Variants in AGTR1 observed in about 807,000 individuals in gnomAD.
AGTR1 encodes the protein angiotensin II receptor type 1.
A neutral mutation model predicts 19.4 loss-of-function variants in AGTR1; 16 were observed. That is an observed-to-expected ratio of 0.82 (90% confidence interval 0.56 to 1.25). The LOEUF (loss-of-function observed/expected upper bound fraction) is 1.25, where lower values mean the gene tolerates loss of function less well. Among genes scored for constraint, AGTR1 ranks in the 50% most tolerant of loss-of-function variants. The pLI is 0.00. For missense variants in AGTR1, 373 were observed against 431.9 expected, an observed-to-expected ratio of 0.86 and a Z score of 1.21; for synonymous variants, 153 against 154.9, an observed-to-expected ratio of 0.99 and a Z score of 0.09.
rs563154340 is a variant in AGTR1 at position 148,699,898 on chromosome 3, C to T, written c.-132+1771C>T. Among the ~76,000 whole-genome samples the T allele has an allele frequency of 2.0e-5, 3 of 152,260 alleles. No individual in the cohort carries two copies. The East Asian group carries it at 5.8e-4, about 29-fold the overall frequency. The stretch of plus-strand genomic sequence containing the variant: ...CTTCTTTGACCTTAAACTGAATCAA[C>T]TCTTCCATCATCCAACTCAGAATAA... On this transcript the variant is annotated intron_variant, in intron 1 of 2. Coordinates refer to ENST00000349243, the MANE Select transcript of AGTR1 (RefSeq NM_000685.5).
chr3:148,737,511 A>C (rs1195022219), intron 2 of AGTR1, among the ~76,000 whole-genome samples: 1 of 152,188 alleles, frequency 6.6e-6, no homozygotes, highest in South Asian at 2.1e-4. Context: ...ACTGCCTTTA[A>C]GGCTCCTGTC....
rs1365652593 is a variant in AGTR1, at chr3:148,741,377, T to G, written c.342T>G (p.Ala114=). The G allele has an allele frequency of 2.4e-5, 39 of 1,604,104 alleles. No individual in the cohort carries two copies. The highest frequency in any genetic ancestry group is 2.9e-5 in the Non-Finnish European group (34 of 1,178,742). Residue 114 remains alanine, a synonymous_variant, in exon 3 of 3, where the codon GCT becomes GCG. Transcript: ENST00000349243. ...ASASVSFNLY[A]SVFLLTCLSI... ...CCAGCGTCAGTTTCAACCTGTACGC[T>G]AGTGTGTTTCTACTCACGTGTCTCA...
intron 1 of AGTR1, among the ~76,000 whole-genome samples, chr3:148,705,101 A>G (rs1712592575): frequency 6.6e-6 from 1 of 152,160 alleles, no homozygotes; most frequent in Non-Finnish European, 1.5e-5. Context: ...ATCACCCTCT[A>G]TAGCCCCTAA....
At chr3:148,728,335 T>C (rs1249662024) in intron 2 of AGTR1, among the ~76,000 whole-genome samples, 1 of 152,210 alleles carries the variant, frequency 6.6e-6, no homozygotes, top group African/African-American at 2.4e-5. Flanking sequence ...AAGTGATCAG[T>C]GTTACTATTG....
chr3:148,724,606 T>G lies in AGTR1; in HGVS notation c.-47-16383T>G, dbSNP rs74922027. 4.4e-3 allele frequency among the ~76,000 whole-genome samples: 677 copies of G among 152,328 alleles called. 3 individuals carry two copies. Among genetic ancestry groups the G allele is most frequent in the African/African-American group, 0.016 (647 of 41,568 alleles). ...AAATCAATAAATTTGACCCATGAATTTCTTTCTATAGCAGACATTTTTGTG... is the reference window on the plus strand; with the variant it reads ...AAATCAATAAATTTGACCCATGAATGTCTTTCTATAGCAGACATTTTTGTG... On this transcript the variant is annotated intron_variant, in intron 2 of 2. Coordinates refer to ENST00000349243, the MANE Select transcript of AGTR1 (RefSeq NM_000685.5).
At chr3:148,734,121 G>A (rs974386654) in intron 2 of AGTR1, among the ~76,000 whole-genome samples, 8 of 152,128 alleles carry the variant, frequency 5.3e-5, no homozygotes, top group African/African-American at 9.7e-5. Flanking sequence ...TAGTAAGTGG[G>A]AACTTTTAGA....
chr3:148,708,793 T>C (rs1004809967), intron 2 of AGTR1, among the ~76,000 whole-genome samples: 2 of 152,120 alleles, frequency 1.3e-5, no homozygotes, highest in Non-Finnish European at 2.9e-5. Flanking sequence ...TTACAAAAAC[T>C]CAGTTCAAAG....
intron 1 of AGTR1, among the ~76,000 whole-genome samples, chr3:148,701,673 ATTTT>A (rs1403187642): frequency 6.6e-6 from 1 of 152,142 alleles, no homozygotes; most frequent in African/African-American, 2.4e-5. Flanking sequence ...CTCACATGTA[ATTTT>A]TTTAACATTT....
At position 148,742,414 on chromosome 3, in the gene AGTR1, C is replaced by A; in HGVS notation, c.*299C>A. On this transcript the variant is annotated 3_prime_UTR_variant, in exon 3 of 3. Transcript: ENST00000349243. ...TTTTACTGACAGAAATGCAATCTCC[C>A]TAGCCTGCTTTTGTCCTGTTATTTT... 2.1e-6 allele frequency: 1 copy of A among 479,398 alleles called. No individual in the cohort carries two copies. 29.7% of individuals were successfully genotyped at this position (479,398 alleles called of 1,614,324 possible). A position where few individuals can be genotyped will look rare whatever the true frequency, so the allele number is the denominator to read the frequency against.
chr3:148,730,275 T>TA (rs1714175997), intron 2 of AGTR1: 4 of 398,166 alleles, frequency 1.0e-5, no homozygotes, highest in Non-Finnish European at 1.3e-5. Flanking sequence ...TTGGCTCCCA[T>TA]CACTATGCTC....
rs144520513 is a variant in AGTR1, at chr3:148,742,477, G to A, written c.*362G>A. 3.5e-4 allele frequency: 131 copies of A among 371,868 alleles called. 1 individual carries two copies. Among genetic ancestry groups the A allele is most frequent in the African/African-American group, 1.8e-3 (84 of 46,920 alleles). 23.0% of individuals were successfully genotyped at this position (371,868 alleles called of 1,614,324 possible). On this transcript the variant is annotated 3_prime_UTR_variant, in exon 3 of 3. Transcript: ENST00000349243. ...AAAGGTATTTAGAATATATTAAATCGTTAGAGGAGCAACAGGAGATGAGAG... is the reference window on the plus strand; with the variant it reads ...AAAGGTATTTAGAATATATTAAATCATTAGAGGAGCAACAGGAGATGAGAG...
At chr3:148,732,833 C>G (rs529620201) in intron 2 of AGTR1, among the ~76,000 whole-genome samples, 1 of 147,220 alleles carries the variant, frequency 6.8e-6, no homozygotes, top group African/African-American at 2.5e-5. Flanking sequence ...CTCTGCCTCC[C>G]GGGTTCACGC....
chr3:148,711,068 C>T (rs1712953984), intron 2 of AGTR1, among the ~76,000 whole-genome samples: 2 of 152,168 alleles, frequency 1.3e-5, no homozygotes, highest in African/African-American at 4.8e-5. Flanking sequence ...TTATAAATTA[C>T]CCAGTTTCAG....
intron 2 of AGTR1, among the ~76,000 whole-genome samples, chr3:148,735,231 C>A (rs12695911): frequency 6.6e-6 from 1 of 152,144 alleles, no homozygotes; most frequent in Non-Finnish European, 1.5e-5. Flanking sequence ...GACAGAGTTT[C>A]AGAGTGGTAT....
At position 148,722,550 on chromosome 3, in the gene AGTR1, C is replaced by T. The variant is rs569734938; in HGVS notation, c.-48+14523C>T. 3.0e-4 allele frequency among the ~76,000 whole-genome samples: 46 copies of T among 152,168 alleles called. 1 individual carries two copies. The highest frequency in any genetic ancestry group is 5.3e-4 in the Non-Finnish European group (36 of 68,006). ...AAAAGTCCTTCATTCTAAGAAGAGG[C>T]GGGAGGGTGCCACTCTGTAGCCCCT... is the stretch of plus-strand genomic sequence containing the variant. On this transcript the variant is annotated intron_variant, in intron 2 of 2. Coordinates refer to ENST00000349243, the MANE Select transcript of AGTR1 (RefSeq NM_000685.5).
chr3:148,704,350 A>G (rs1712542255), intron 1 of AGTR1, among the ~76,000 whole-genome samples: 1 of 147,148 alleles, frequency 6.8e-6, no homozygotes, highest in Non-Finnish European at 1.5e-5. Context: ...TGAGCAACAG[A>G]GAAAGACCCT....
intron 1 of AGTR1, among the ~76,000 whole-genome samples, chr3:148,704,782 T>A (rs1712573793): frequency 6.6e-6 from 1 of 152,192 alleles, no homozygotes; most frequent in Non-Finnish European, 1.5e-5. Flanking sequence ...GACAGGTGTG[T>A]ATGGGTTCCC....
In AGTR1 at chr3:148,705,065, T is replaced by C. The variant is rs555772498; in HGVS notation, c.-131-2879T>C. Among the ~76,000 whole-genome samples the C allele has an allele frequency of 3.9e-5, 6 of 152,314 alleles. No homozygotes were observed. The South Asian group carries it at 1.2e-3, about 32-fold the overall frequency. Reference sequence around the variant, plus strand: ...ACACATAGCAGGCAGAGTTTCTTAGTACTAATAAAAAATAAAGTACCAGTG... The same window carrying C: ...ACACATAGCAGGCAGAGTTTCTTAGCACTAATAAAAAATAAAGTACCAGTG... On this transcript the variant is annotated intron_variant, in intron 1 of 2. Coordinates refer to ENST00000349243, the MANE Select transcript of AGTR1 (RefSeq NM_000685.5).
At chr3:148,727,884 G>A (rs1266157148) in intron 2 of AGTR1, among the ~76,000 whole-genome samples, 1 of 152,092 alleles carries the variant, frequency 6.6e-6, no homozygotes, top group African/African-American at 2.4e-5. Context: ...ACCAGAGCAG[G>A]GTTTTTCAGT....
Sources: allele counts gnomAD v4.1 joint callset (sites outside exome capture counted in the v4.1 genomes callset), GRCh38; gene constraint gnomAD v4.1.1; transcripts MANE v1.5; gene names NCBI Gene and HGNC (gene_info 2026-07-23, HGNC 2026-07-21).